FHIT: variants seen among roughly 807,000 people sequenced by gnomAD.
FHIT encodes the protein bis(5'-adenosyl)-triphosphatase.
A neutral mutation model predicts 17.9 loss-of-function variants in FHIT; 19 were observed. The observed-to-expected ratio is 1.06, with a 90% confidence interval of 0.74 to 1.56. FHIT has a LOEUF of 1.56. Ranked by LOEUF, FHIT falls within the 40% of genes most tolerant of loss-of-function variation. The pLI is 0.00. For missense variants in FHIT, 248 were observed against 189.2 expected (o/e 1.31, Z -1.82); for synonymous variants, 81 against 69.7 (o/e 1.16, Z -0.81).
chr3:60,153,068 C>T (rs1056059157), intron 5 of FHIT, among the ~76,000 whole-genome samples: 37 of 152,222 alleles, frequency 2.4e-4, no homozygotes, highest in African/African-American at 8.4e-4. Context: ...GTTTATTTTC[C>T]TCCTCAGCCA....
intron 1 of FHIT, among the ~76,000 whole-genome samples, chr3:61,210,141 G>A (rs959873455): frequency 3.9e-5 from 6 of 152,178 alleles, no homozygotes; most frequent in East Asian, 1.9e-4. Flanking sequence ...TTGATGAACC[G>A]CAAATGCTAC....
chr3:61,066,956 C>A (rs1346119786), intron 2 of FHIT, among the ~76,000 whole-genome samples: 1 of 152,216 alleles, frequency 6.6e-6, no homozygotes, highest in African/African-American at 2.4e-5. Context: ...GCTGTGGCAA[C>A]CCACCAATTG....
chr3:60,887,816 A>G (rs782332045), intron 3 of FHIT, among the ~76,000 whole-genome samples: 1 of 152,166 alleles, frequency 6.6e-6, no homozygotes, highest in African/African-American at 2.4e-5. Flanking sequence ...AGCAAAGACT[A>G]TTTAAAAACA....
chr3:59,882,035 T>C (rs1353158550), intron 8 of FHIT, among the ~76,000 whole-genome samples: 1 of 152,200 alleles, frequency 6.6e-6, no homozygotes, highest in Non-Finnish European at 1.5e-5. Context: ...TTCACTAAAA[T>C]AGTACTTTTT....
intron 5 of FHIT, chr3:60,536,086 A>G (rs1293516451): frequency 8.5e-5 from 13 of 152,200 alleles, no homozygotes; most frequent in Non-Finnish European, 1.2e-4. Flanking sequence ...AACATCCTGA[A>G]GAGTCCGTAC....
intron 6 of FHIT, among the ~76,000 whole-genome samples, chr3:60,012,268 T>TG (rs1299865898): frequency 1.6e-4 from 14 of 88,100 alleles, no homozygotes; most frequent in African/African-American, 4.1e-4. Context: ...TTTTTGTTGT[T>TG]TTTTTTTTTT....
intron 3 of FHIT, among the ~76,000 whole-genome samples, chr3:60,859,722 G>A (rs1260333127): frequency 1.2e-5 from 1 of 84,088 alleles, no homozygotes; most frequent in Non-Finnish European, 2.4e-5. Flanking sequence ...TTCTGAATAC[G>A]ATTTTTTTTT....
At chr3:60,034,022 A>G (rs963722596) in intron 5 of FHIT, among the ~76,000 whole-genome samples, 2 of 152,202 alleles carry the variant, frequency 1.3e-5, no homozygotes, top group African/African-American at 2.4e-5. Flanking sequence ...CAAGATAACA[A>G]TAACAGCAGT....
chr3:60,033,205 T>C (rs1454173794), intron 5 of FHIT, among the ~76,000 whole-genome samples: 1 of 152,034 alleles, frequency 6.6e-6, no homozygotes, highest in African/African-American at 2.4e-5. Context: ...TTTTGTGAAA[T>C]ATGATAATGG....
intron 4 of FHIT, among the ~76,000 whole-genome samples, chr3:60,695,302 A>T (rs2107895091): frequency 6.6e-6 from 1 of 152,280 alleles, no homozygotes; most frequent in African/African-American, 2.4e-5. Flanking sequence ...AGGCTGAAGC[A>T]GGAGAATCAC....
chr3:60,942,810 C>T (rs1553774883), intron 3 of FHIT, among the ~76,000 whole-genome samples: 1 of 152,084 alleles, frequency 6.6e-6, no homozygotes. Context: ...ATGTCTCCTT[C>T]CGTTTCTAAC....
At chr3:61,169,104 A>G (rs149642952) in intron 2 of FHIT, among the ~76,000 whole-genome samples, 12 of 152,252 alleles carry the variant, frequency 7.9e-5, no homozygotes, top group African/African-American at 2.6e-4. Context: ...TTACATTTCA[A>G]CGAAAACCTA....
intron 5 of FHIT, among the ~76,000 whole-genome samples, chr3:60,256,995 A>C (rs1413237900): frequency 6.6e-6 from 1 of 152,178 alleles, no homozygotes; most frequent in Non-Finnish European, 1.5e-5. Context: ...TAAGACATGC[A>C]AATTATTTCC....
intron 8 of FHIT, among the ~76,000 whole-genome samples, chr3:59,915,190 T>C (rs938275165): frequency 5.9e-5 from 9 of 152,122 alleles, no homozygotes; most frequent in Admixed American, 2.0e-4. Flanking sequence ...AGCTTTCTGA[T>C]GGAATGTATC....
In FHIT at chr3:60,516,078, T is replaced by C. The variant is rs756178704; in HGVS notation, c.103+20782A>G. 2.6e-5 allele frequency among the ~76,000 whole-genome samples: 4 copies of C among 152,184 alleles called. No homozygotes were observed. The East Asian group carries it at 5.8e-4, about 22-fold the overall frequency. ...GACAAAGGAGTGGGGAAACATACTA[T>C]GGGTTCAGAGGACCTATCCACAAAC... On this transcript the variant is annotated intron_variant, in intron 5 of 9. Coordinates refer to ENST00000492590, the MANE Select transcript of FHIT (RefSeq NM_002012.4).
chr3:61,159,427 C>G (rs889987204), intron 2 of FHIT, among the ~76,000 whole-genome samples: 3 of 152,172 alleles, frequency 2.0e-5, no homozygotes, highest in Non-Finnish European at 4.4e-5. Context: ...AGATATGCAT[C>G]TTCATTCAGT....
intron 1 of FHIT, among the ~76,000 whole-genome samples, chr3:61,231,114 G>A (rs2040088568): frequency 6.6e-6 from 1 of 152,148 alleles, no homozygotes; most frequent in Non-Finnish European, 1.5e-5. Context: ...AAGAGAAATT[G>A]GGTAACGCAT....
intron 5 of FHIT, among the ~76,000 whole-genome samples, chr3:60,124,310 T>C (rs1705440216): frequency 6.6e-6 from 1 of 151,934 alleles, no homozygotes; most frequent in African/African-American, 2.4e-5. Flanking sequence ...GTAGCAATTA[T>C]GCTCAGAAAG....
chr3:59,760,698 AAGGT>A (rs1353209196), intron 8 of FHIT, among the ~76,000 whole-genome samples: 53 of 152,286 alleles, frequency 3.5e-4, no homozygotes, highest in African/African-American at 1.3e-3. Context: ...TAAAATATCA[AAGGT>A]AGTCACTTCC....
Sources: gnomAD v4.1 joint callset for allele counts (sites outside exome capture counted in the v4.1 genomes callset) on GRCh38, gnomAD v4.1.1 for gene constraint, MANE v1.5 for transcripts, NCBI Gene and HGNC (gene_info 2026-07-23, HGNC 2026-07-21) for gene names.